RAB11FIP4: variants seen among roughly 807,000 people sequenced by gnomAD.
RAB11FIP4 encodes RAB11 family interacting protein 4.
A neutral mutation model predicts 74.3 loss-of-function variants in RAB11FIP4; 23 were observed. The observed-to-expected ratio is 0.31, with a 90% CI of 0.22 to 0.44. The LOEUF is 0.44. Among genes scored for constraint, RAB11FIP4 ranks in the 20% least tolerant of loss-of-function variants. RAB11FIP4 has a pLI of 1.00. For synonymous variants in RAB11FIP4, 360 were observed against 359.9 expected (o/e 1.00, Z 0.00); for missense variants, 630 against 863.9 (o/e 0.73, Z 3.39).
chr17:31,528,784 T>C lies in RAB11FIP4; in HGVS notation c.1653+6T>C. Reference sequence around the variant, plus strand: ...AGGTCAAGCGGCTCAAGCAGGTGGGTCTAGCAGTCTCTGTGTCCAGTGGGG... The same window carrying C: ...AGGTCAAGCGGCTCAAGCAGGTGGGCCTAGCAGTCTCTGTGTCCAGTGGGG... On this transcript the variant is annotated splice_donor_region_variant and intron_variant, in intron 13 of 14. Coordinates refer to ENST00000621161, the MANE Select transcript of RAB11FIP4 (RefSeq NM_032932.6). The C allele has an allele frequency of 6.2e-7, 1 of 1,602,966 alleles. No homozygotes were observed.
At chr17:31,495,262 C>T (rs2072092156) in intron 3 of RAB11FIP4, among the ~76,000 whole-genome samples, 2 of 152,100 alleles carry the variant, frequency 1.3e-5, no homozygotes, top group Non-Finnish European at 2.9e-5. Flanking sequence ...ACCACAGAGT[C>T]ATCCAGCTTG....
intron 13 of RAB11FIP4, 114 bp downstream of exon 13, chr17:31,528,892 T>G: frequency 8.3e-7 from 1 of 1,209,964 alleles, no homozygotes; most frequent in South Asian, 1.5e-5. Flanking sequence ...ACTGCCTGTC[T>G]GCTTCTCAGC....
At chr17:31,402,399 T>C (rs1454253081) in intron 1 of RAB11FIP4, among the ~76,000 whole-genome samples, 1 of 151,932 alleles carries the variant, frequency 6.6e-6, no homozygotes, top group Admixed American at 6.6e-5. Flanking sequence ...GATGGTGACT[T>C]TCGGGAGGGC....
At chr17:31,401,418 T>C (rs2070984855) in intron 1 of RAB11FIP4, among the ~76,000 whole-genome samples, 1 of 152,254 alleles carries the variant, frequency 6.6e-6, no homozygotes, top group South Asian at 2.1e-4. Context: ...ATAGCTTCTG[T>C]GCCCTTGAGG....
chr17:31,397,197 G>T (rs1334640212), intron 1 of RAB11FIP4, among the ~76,000 whole-genome samples: 1 of 152,206 alleles, frequency 6.6e-6, no homozygotes, highest in East Asian at 1.9e-4. Flanking sequence ...CTGGAGGAAG[G>T]GGTGAAGGGG....
intron 3 of RAB11FIP4, among the ~76,000 whole-genome samples, chr17:31,452,935 T>C (rs34344512): frequency 0.24 from 36,092 of 152,002 alleles, 5,981 homozygotes; most frequent in African/African-American, 0.46. Flanking sequence ...TGCCCTAGTG[T>C]GGGATGGGGC....
intron 1 of RAB11FIP4, among the ~76,000 whole-genome samples, chr17:31,425,789 G>A (rs2071243060): frequency 6.6e-6 from 1 of 152,180 alleles, no homozygotes. Context: ...GTCTCTCCTG[G>A]CCTGGGAGCC....
rs551535685 is a variant in RAB11FIP4, at chr17:31,507,911, C to T, written c.337-9740C>T. On this transcript the variant is annotated intron_variant, in intron 3 of 14. Transcript: ENST00000621161. ...GAGTGCAGTGGCACCATCACAGCCT[C>T]GACTTCCTGGGCTCAGGTGATTCTC... 2.0e-5 allele frequency among the ~76,000 whole-genome samples: 3 copies of T among 152,284 alleles called. No individual in the cohort carries two copies. In the South Asian group the frequency reaches 6.2e-4, roughly 32 times the overall value.
At chr17:31,507,395 G>C (rs1190376703) in intron 3 of RAB11FIP4, among the ~76,000 whole-genome samples, 5 of 152,134 alleles carry the variant, frequency 3.3e-5, no homozygotes, top group Non-Finnish European at 7.4e-5. Flanking sequence ...TTCTTATTAG[G>C]GTGAGGTGGT....
intron 3 of RAB11FIP4, among the ~76,000 whole-genome samples, chr17:31,458,726 G>A (rs2142713538): frequency 6.6e-6 from 1 of 152,324 alleles, no homozygotes; most frequent in East Asian, 1.9e-4. Flanking sequence ...CTTTCCTCTT[G>A]GAACCCTTCA....
intron 3 of RAB11FIP4, among the ~76,000 whole-genome samples, chr17:31,443,786 A>G (rs2017520): frequency 1.8e-3 from 275 of 152,344 alleles, no homozygotes; most frequent in African/African-American, 6.4e-3. Flanking sequence ...ATGATGGGGC[A>G]TGCCTGTAAT....
At chr17:31,478,227 A>G (rs1412856548) in intron 3 of RAB11FIP4, among the ~76,000 whole-genome samples, 2 of 152,108 alleles carry the variant, frequency 1.3e-5, no homozygotes, top group African/African-American at 4.8e-5. Flanking sequence ...TCTTGACCTC[A>G]AATGATTCAC....
chr17:31,508,413 C>T (rs541741473), intron 3 of RAB11FIP4, among the ~76,000 whole-genome samples: 1 of 152,354 alleles, frequency 6.6e-6, no homozygotes, highest in Admixed American at 6.5e-5. Context: ...GAGAAATGCA[C>T]TCACATGAGC....
chr17:31,451,412 T>C lies in RAB11FIP4; in HGVS notation c.336+17290T>C, dbSNP rs544800049. Among the ~76,000 whole-genome samples the C allele has an allele frequency of 4.4e-5, 6 of 135,506 alleles. No homozygotes were observed. The East Asian group carries it at 1.3e-3, about 29-fold the overall frequency. The allele number at this position is 135,506 out of a possible 152,430, so 88.9% of individuals were successfully genotyped here. On this transcript the variant is annotated intron_variant, in intron 3 of 14. Transcript: ENST00000621161. ...AGGCGGAGGTTGCAGTGAGCCGAGA[T>C]GGCGCCACTACACTCCAGCCTGGGC...
Position 31,394,496 on chromosome 17 carries a change from C to T in RAB11FIP4, c.159+2485C>T, listed in dbSNP as rs530458110. ...TAGTCTCTCTTACTGTACACAATTC[C>T]TTTTTCTTTTCTTTTCTTTTCTTTT... On this transcript the variant is annotated intron_variant, in intron 1 of 14. Coordinates refer to ENST00000621161, the MANE Select transcript of RAB11FIP4 (RefSeq NM_032932.6). Among the ~76,000 whole-genome samples the T allele has an allele frequency of 6.6e-5, 10 of 152,264 alleles. No individual in the cohort carries two copies. The South Asian group carries it at 2.1e-3, about 32-fold the overall frequency.
At chr17:31,450,773 C>T (rs962448221) in intron 3 of RAB11FIP4, among the ~76,000 whole-genome samples, 2 of 148,914 alleles carry the variant, frequency 1.3e-5, no homozygotes, top group Non-Finnish European at 2.9e-5. Context: ...ACATTGCCTT[C>T]GGCTCCAGTC....
intron 6 of RAB11FIP4, 35 bp downstream of exon 6, chr17:31,522,084 G>T (rs747367070): frequency 3.1e-6 from 5 of 1,611,854 alleles, no homozygotes; most frequent in Middle Eastern, 1.6e-4. Context: ...GTGAGAGGCC[G>T]GGGGGCCAGG....
At chr17:31,460,588 T>C (rs2071624844) in intron 3 of RAB11FIP4, among the ~76,000 whole-genome samples, 1 of 152,216 alleles carries the variant, frequency 6.6e-6, no homozygotes, top group African/African-American at 2.4e-5. Flanking sequence ...ATATTACTAC[T>C]TGCTTCTATT....
chr17:31,433,826 G>A (rs1355589326), intron 2 of RAB11FIP4, among the ~76,000 whole-genome samples: 1 of 152,212 alleles, frequency 6.6e-6, no homozygotes, highest in Non-Finnish European at 1.5e-5. Context: ...GAGGACAAGG[G>A]CCTCTTGCAG....
Sources: gnomAD v4.1 joint callset for allele counts (sites outside exome capture counted in the v4.1 genomes callset) on GRCh38, gnomAD v4.1.1 for gene constraint, MANE v1.5 for transcripts, NCBI Gene and HGNC (gene_info 2026-07-23, HGNC 2026-07-21) for gene names.